LRRC3B: variants seen among roughly 807,000 people sequenced by gnomAD.
LRRC3B encodes the protein leucine rich repeat containing 3B.
In LRRC3B, 2 loss-of-function variants were observed where a neutral mutation model predicts 12.8. The observed-to-expected ratio is 0.16, with a 90% CI of 0.06 to 0.49. The LOEUF is 0.49. Among genes scored for constraint, LRRC3B ranks in the 20% least tolerant of loss-of-function variants. LRRC3B has a pLI of 0.96. For synonymous variants in LRRC3B, 132 were observed against 122.0 expected (o/e 1.08, Z -0.54); for missense variants, 189 against 319.4 (o/e 0.59, Z 3.11).
At chr3:26,689,487 T>A (rs937955218) in intron 1 of LRRC3B, among the ~76,000 whole-genome samples, 1 of 152,162 alleles carries the variant, frequency 6.6e-6, no homozygotes, top group African/African-American at 2.4e-5. Context: ...ATCCTCTTCA[T>A]CTTTCCAGAT....
At chr3:26,667,849 C>A (rs1027155121) in intron 1 of LRRC3B, among the ~76,000 whole-genome samples, 13 of 151,884 alleles carry the variant, frequency 8.6e-5, no homozygotes, top group African/African-American at 3.1e-4. Flanking sequence ...AGGCAAATAC[C>A]AACCCTGAAC....
At chr3:26,704,597 G>C (rs969699786) in intron 1 of LRRC3B, among the ~76,000 whole-genome samples, 11 of 151,596 alleles carry the variant, frequency 7.3e-5, no homozygotes, top group Admixed American at 4.6e-4. Flanking sequence ...ACAGGGTCTT[G>C]CTATGTTGCC....
chr3:26,689,024 T>G (rs1700140449), intron 1 of LRRC3B, among the ~76,000 whole-genome samples: 2 of 152,190 alleles, frequency 1.3e-5, no homozygotes, highest in South Asian at 4.1e-4. Flanking sequence ...CATAATAGGA[T>G]GAGTGCCACT....
At chr3:26,644,735 G>T (rs1418930604) in intron 1 of LRRC3B, among the ~76,000 whole-genome samples, 1 of 152,146 alleles carries the variant, frequency 6.6e-6, no homozygotes, top group Non-Finnish European at 1.5e-5. Flanking sequence ...AATAGTCTAG[G>T]TATCAATTTT....
chr3:26,671,283 G>A (rs1289919652), intron 1 of LRRC3B, among the ~76,000 whole-genome samples: 3 of 144,794 alleles, frequency 2.1e-5, no homozygotes, highest in African/African-American at 5.2e-5. Flanking sequence ...CCAAAGTGCT[G>A]GGATTACAGG....
intron 1 of LRRC3B, among the ~76,000 whole-genome samples, chr3:26,674,908 C>A (rs1194283739): frequency 6.6e-6 from 1 of 152,152 alleles, no homozygotes; most frequent in Non-Finnish European, 1.5e-5. Flanking sequence ...GAAGATTTCC[C>A]AAATAGCATG....
At chr3:26,639,744 CTT>C (rs1698982553) in intron 1 of LRRC3B, among the ~76,000 whole-genome samples, 1 of 152,126 alleles carries the variant, frequency 6.6e-6, no homozygotes, top group African/African-American at 2.4e-5. Flanking sequence ...TCCTGCTTGT[CTT>C]TCCAGTTTTT....
chr3:26,696,214 T>TGTTACCTATG (rs1239873288), intron 1 of LRRC3B, among the ~76,000 whole-genome samples: 1 of 152,226 alleles, frequency 6.6e-6, no homozygotes, highest in Non-Finnish European at 1.5e-5. Flanking sequence ...AACACAAAAT[T>TGTTACCTATG]GTTACCTATG....
chr3:26,662,857 G>T (rs1699522118), intron 1 of LRRC3B, among the ~76,000 whole-genome samples: 1 of 152,010 alleles, frequency 6.6e-6, no homozygotes, highest in African/African-American at 2.4e-5. Flanking sequence ...GCCTGAAATT[G>T]GTTTGTTTAT....
In LRRC3B at chr3:26,671,365, T is replaced by G. The variant is rs1354094814; in HGVS notation, c.-160-38148T>G. 5.4e-3 allele frequency among the ~76,000 whole-genome samples: 236 copies of G among 43,382 alleles called. 4 individuals are homozygous for G. Among genetic ancestry groups the G allele is most frequent in the Middle Eastern group, 0.018 (1 of 56 alleles). 28.5% of individuals were successfully genotyped at this position (43,382 alleles called of 152,430 possible). On this transcript the variant is annotated intron_variant, in intron 1 of 1. Transcript: ENST00000396641. ...ATATATGTGTGTATATATATATATA[T>G]ATATATATAGAGAGAGAGAGAGAGA... is the stretch of plus-strand genomic sequence containing the variant.
intron 1 of LRRC3B, among the ~76,000 whole-genome samples, chr3:26,644,172 A>G (rs1013005778): frequency 2.0e-5 from 3 of 152,228 alleles, no homozygotes; most frequent in East Asian, 1.9e-4. Context: ...AGAAGATTAC[A>G]TAAGTATGAA....
intron 1 of LRRC3B, among the ~76,000 whole-genome samples, chr3:26,644,407 T>C (rs1048887152): frequency 6.6e-6 from 1 of 152,214 alleles, no homozygotes; most frequent in Non-Finnish European, 1.5e-5. Context: ...TTATTTCACA[T>C]CTACTTCATA....
chr3:26,654,257 T>G (rs1292852417), intron 1 of LRRC3B, among the ~76,000 whole-genome samples: 1 of 152,190 alleles, frequency 6.6e-6, no homozygotes, highest in East Asian at 1.9e-4. Flanking sequence ...CAAGCAGACA[T>G]AAGAAGCCGG....
chr3:26,638,375 T>G (rs557498510), intron 1 of LRRC3B, among the ~76,000 whole-genome samples: 37 of 152,100 alleles, frequency 2.4e-4, no homozygotes, highest in African/African-American at 8.2e-4. Flanking sequence ...GCCTTTTAAA[T>G]GGAAGGAAAT....
intron 1 of LRRC3B, among the ~76,000 whole-genome samples, chr3:26,665,551 T>G (rs1699581078): frequency 6.6e-6 from 1 of 152,098 alleles, no homozygotes; most frequent in Non-Finnish European, 1.5e-5. Context: ...AGTTCGGTAT[T>G]GACAAGTATA....
chr3:26,698,726 T>C (rs1700379821), intron 1 of LRRC3B, among the ~76,000 whole-genome samples: 1 of 152,142 alleles, frequency 6.6e-6, no homozygotes, highest in South Asian at 2.1e-4. Flanking sequence ...TAGGCAGATA[T>C]ATTTCGTTTT....
At chr3:26,625,376 C>G (rs1188929617) in intron 1 of LRRC3B, 1 of 152,310 alleles carries the variant, frequency 6.6e-6, no homozygotes, top group Admixed American at 6.5e-5. Flanking sequence ...GTGGCAAACT[C>G]CAGAGCCCCA....
At chr3:26,697,446 A>G (rs1700345772) in intron 1 of LRRC3B, among the ~76,000 whole-genome samples, 1 of 152,114 alleles carries the variant, frequency 6.6e-6, no homozygotes, top group African/African-American at 2.4e-5. Context: ...TCAAAATTAC[A>G]TTTAGGGCTC....
intron 1 of LRRC3B, among the ~76,000 whole-genome samples, chr3:26,652,565 T>A (rs1699286974): frequency 6.6e-6 from 1 of 152,190 alleles, no homozygotes; most frequent in Admixed American, 6.5e-5. Flanking sequence ...AGGAATCCTT[T>A]AGTCTGCAGA....
Sources: allele counts gnomAD v4.1 joint callset (sites outside exome capture counted in the v4.1 genomes callset), GRCh38; gene constraint gnomAD v4.1.1; transcripts MANE v1.5; gene names NCBI Gene and HGNC (gene_info 2026-07-23, HGNC 2026-07-21).